Variants in CCDC81 observed in about 807,000 individuals in gnomAD.
CCDC81 encodes the protein coiled-coil domain-containing protein 81.
CCDC81 carries 79 observed loss-of-function variants against 83.7 expected under a neutral mutation model. The observed-to-expected ratio is 0.94, with a 90% CI of 0.79 to 1.14. The LOEUF (loss-of-function observed/expected upper bound fraction) is 1.14, where lower values mean the gene tolerates loss of function less well. CCDC81 is among the 50% of genes most tolerant of loss of function. The probability of loss-of-function intolerance (pLI) is 0.00; values close to 1 mark genes in which losing one functional copy is unlikely to be tolerated. For missense variants in CCDC81, 791 were observed against 778.1 expected, an observed-to-expected ratio of 1.02 and a Z score of -0.20; for synonymous variants, 252 against 278.1, an observed-to-expected ratio of 0.91 and a Z score of 0.93.
At chr11:86,377,186 A>G (rs1036005718) in intron 1 of CCDC81, among the ~76,000 whole-genome samples, 1 of 149,832 alleles carries the variant, frequency 6.7e-6, no homozygotes, top group Non-Finnish European at 1.5e-5. Context: ...TTTTTTTTTA[A>G]TCTGTCCACC....
chr11:86,416,230 A>G (rs1948718185), intron 13 of CCDC81, among the ~76,000 whole-genome samples: 1 of 152,194 alleles, frequency 6.6e-6, no homozygotes, highest in Admixed American at 6.5e-5. Context: ...ATATTTGTAA[A>G]GCCTAAACAT....
rs374936537 is a variant in CCDC81 at position 86,402,532 on chromosome 11, A to G, written c.881+1731A>G. ...CCTATTGGATATTTAGATGGCTTCC[A>G]GTTTTTAAGTACTATAAATAATGTT... On this transcript the variant is annotated intron_variant, in intron 7 of 14. Coordinates refer to ENST00000445632, the MANE Select transcript of CCDC81 (RefSeq NM_001156474.2). Among the ~76,000 whole-genome samples the G allele has an allele frequency of 4.8e-5, 7 of 146,280 alleles. No homozygotes were observed. In the East Asian group the frequency reaches 1.4e-3, roughly 29 times the overall value.
intron 4 of CCDC81, among the ~76,000 whole-genome samples, chr11:86,393,405 C>T (rs1948361110): frequency 6.6e-6 from 1 of 152,062 alleles, no homozygotes; most frequent in Non-Finnish European, 1.5e-5. Context: ...TTCATTTGAG[C>T]CTCAAAATAG....
At chr11:86,410,443 A>C (rs965093477) in intron 10 of CCDC81, among the ~76,000 whole-genome samples, 1 of 152,208 alleles carries the variant, frequency 6.6e-6, no homozygotes, top group Non-Finnish European at 1.5e-5. Context: ...AAAGGGCACT[A>C]TATGAGCAAA....
chr11:86,384,441 T>C (rs115497244), intron 1 of CCDC81, among the ~76,000 whole-genome samples: 2,914 of 152,196 alleles, frequency 0.019, 92 homozygotes, highest in African/African-American at 0.066. Context: ...CTAATTTTAT[T>C]AATGGGTGAG....
chr11:86,381,722 G>A (rs1309693622), intron 1 of CCDC81, among the ~76,000 whole-genome samples: 1 of 152,110 alleles, frequency 6.6e-6, no homozygotes, highest in Non-Finnish European at 1.5e-5. Flanking sequence ...TTTCTGTCTG[G>A]TCAACTTTTT....
At position 86,380,438 on chromosome 11, in the gene CCDC81, T is replaced by G. The variant is rs1363573371; in HGVS notation, c.79+5196T>G. 4.6e-5 allele frequency among the ~76,000 whole-genome samples: 7 copies of G among 152,314 alleles called. No homozygotes were observed. In the East Asian group the frequency reaches 1.4e-3, roughly 29 times the overall value. On this transcript the variant is annotated intron_variant, in intron 1 of 14. Coordinates refer to ENST00000445632, the MANE Select transcript of CCDC81 (RefSeq NM_001156474.2). Reference sequence around the variant, plus strand: ...AATGATATTCCTAGGTATCTTTTTTTGGGTATTTATCCAGCTTGGTGTTAT... The same window carrying G: ...AATGATATTCCTAGGTATCTTTTTTGGGGTATTTATCCAGCTTGGTGTTAT...
chr11:86,387,605 T>G lies in CCDC81; in HGVS notation c.231T>G (p.Pro77=). ...ACAAATTTATCTTAATCCAGAGGCC[T>G]GTGTTTATCATGGTGGAGAAGCTAG... ...GNNKFILIQR[P]VFIMVEKLVQ... Residue 77 remains proline (P), a synonymous_variant, in exon 3 of 15, where the codon CCT becomes CCG. Coordinates refer to ENST00000445632, the MANE Select transcript of CCDC81 (RefSeq NM_001156474.2). The G allele has an allele frequency of 6.2e-7, 1 of 1,611,758 alleles. No individual in the cohort carries two copies. Among genetic ancestry groups the G allele is most frequent in the Non-Finnish European group, 8.5e-7 (1 of 1,177,886 alleles).
In CCDC81 at chr11:86,419,943, A is replaced by G. The variant is rs1476607316; in HGVS notation, c.1707A>G (p.Arg569=). The part of the protein sequence containing the change: ...QRTQREHLAD[R]TAELERVNRV... ...TTCTCTCCAGGCACTTGGCAGACAG[A>G]ACCGCTGAGCTGGAGCGAGTAAATA... Residue 569 remains arginine (R), a synonymous_variant, in exon 14 of 15, where the codon AGA becomes AGG. Coordinates refer to ENST00000445632, the MANE Select transcript of CCDC81 (RefSeq NM_001156474.2). 1 of 1,612,950 alleles carries G rather than the reference A, an allele frequency of 6.2e-7. No homozygotes were observed. Among genetic ancestry groups the G allele is most frequent in the Non-Finnish European group, 8.5e-7 (1 of 1,179,530 alleles).
intron 1 of CCDC81, among the ~76,000 whole-genome samples, chr11:86,383,574 TTA>T (rs1239289758): frequency 6.6e-6 from 1 of 152,182 alleles, no homozygotes; most frequent in African/African-American, 2.4e-5. Flanking sequence ...TGTCTAGGGA[TTA>T]GTTCTTTATA....
Position 86,375,028 on chromosome 11 carries a change from C to A in CCDC81, c.-136C>A. 1 of 776,658 alleles carries A rather than the reference C, an allele frequency of 1.3e-6. No individual in the cohort carries two copies. The highest frequency in any genetic ancestry group is 1.7e-5 in the African/African-American group (1 of 58,224). The allele number at this position is 776,658 out of a possible 1,614,324, so 48.1% of individuals were successfully genotyped here. A position where few individuals can be genotyped will look rare whatever the true frequency, so the allele number is the denominator to read the frequency against. On this transcript the variant is annotated 5_prime_UTR_variant, in exon 1 of 15. Coordinates refer to ENST00000445632, the MANE Select transcript of CCDC81 (RefSeq NM_001156474.2). ...GAGTCAAGAAGTTCAAGATTTTCGTCACTCTTATTTTTAAGGCACATCCAA... is the reference window on the plus strand; with the variant it reads ...GAGTCAAGAAGTTCAAGATTTTCGTAACTCTTATTTTTAAGGCACATCCAA...
intron 13 of CCDC81, 85 bp downstream of exon 13, chr11:86,415,398 C>T (rs1200963200): frequency 9.5e-7 from 1 of 1,047,750 alleles, no homozygotes; most frequent in African/African-American, 1.6e-5. Flanking sequence ...CTGTCCCTGC[C>T]CCTCATCTTT....
At position 86,421,599 on chromosome 11, in the gene CCDC81, C is replaced by T. The variant is rs567053696; in HGVS notation, c.1818-975C>T. Among the ~76,000 whole-genome samples, 8 of 152,324 alleles carry T rather than the reference C, an allele frequency of 5.3e-5. No homozygotes were observed. In the East Asian group the frequency reaches 9.7e-4, roughly 18 times the overall value. ...TGCTGGGATTACAGGCGTAAGCCAC[C>T]GCGCCCGGCCGATCATCCTTCTTAA... On this transcript the variant is annotated intron_variant, in intron 14 of 14. Coordinates refer to ENST00000445632, the MANE Select transcript of CCDC81 (RefSeq NM_001156474.2).
At chr11:86,395,441 T>C in intron 5 of CCDC81, 28 bp downstream of exon 5, 1 of 1,581,614 alleles carries the variant, frequency 6.3e-7, no homozygotes, top group Non-Finnish European at 8.7e-7. Flanking sequence ...CGGGTTCCTC[T>C]AGGCACTAGC....
chr11:86,386,442 G>C (rs893668203), intron 2 of CCDC81, among the ~76,000 whole-genome samples: 1 of 152,146 alleles, frequency 6.6e-6, no homozygotes, highest in African/African-American at 2.4e-5. Flanking sequence ...GATAGTTCCT[G>C]GCATAGCTAT....
chr11:86,388,649 G>A (rs556208794), intron 3 of CCDC81, among the ~76,000 whole-genome samples: 64 of 152,162 alleles, frequency 4.2e-4, no homozygotes, highest in Non-Finnish European at 7.9e-4. Context: ...AATTTCTTAG[G>A]TATATATTCA....
At chr11:86,380,761 T>C (rs1348691547) in intron 1 of CCDC81, among the ~76,000 whole-genome samples, 1 of 152,236 alleles carries the variant, frequency 6.6e-6, no homozygotes, top group Non-Finnish European at 1.5e-5. Flanking sequence ...ACAGTGTTTT[T>C]AGTTGCTAGC....
intron 7 of CCDC81, among the ~76,000 whole-genome samples, chr11:86,405,947 G>A (rs187724494): frequency 1.3e-5 from 2 of 152,104 alleles, no homozygotes; most frequent in Non-Finnish European, 2.9e-5. Flanking sequence ...ATTTTTAGCG[G>A]AGACAGGGTT....
chr11:86,396,506 G>T (rs544755101), intron 5 of CCDC81, among the ~76,000 whole-genome samples: 1 of 152,316 alleles, frequency 6.6e-6, no homozygotes, highest in East Asian at 1.9e-4. Flanking sequence ...ACTTTAGGAA[G>T]TATGAGTAAA....
Sources: allele counts gnomAD v4.1 joint callset (sites outside exome capture counted in the v4.1 genomes callset), GRCh38; gene constraint gnomAD v4.1.1; transcripts MANE v1.5; gene names NCBI Gene and HGNC (gene_info 2026-07-23, HGNC 2026-07-21).